Variants in AGBL4 observed in about 807,000 individuals in gnomAD.
AGBL4 encodes AGBL carboxypeptidase 4.
AGBL4 carries 58 observed loss-of-function variants against 66.4 expected under a neutral mutation model. The ratio of observed to expected loss-of-function variants is 0.87; its 90% CI spans 0.71 to 1.09. The LOEUF is 1.09. Among genes scored for constraint, AGBL4 ranks in the 50% least tolerant of loss-of-function variants. The pLI is 0.00. For synonymous variants in AGBL4, 234 were observed against 222.9 expected (o/e 1.05, Z -0.44); for missense variants, 579 against 631.0 (o/e 0.92, Z 0.88).
intron 1 of AGBL4, among the ~76,000 whole-genome samples, chr1:49,866,090 T>G (rs1646693830): frequency 6.6e-6 from 1 of 152,050 alleles, no homozygotes; most frequent in Admixed American, 6.5e-5. Flanking sequence ...AGCAAAACTC[T>G]GAAAACTATG....
At chr1:48,569,781 G>A (rs569193937) in intron 11 of AGBL4, among the ~76,000 whole-genome samples, 8 of 152,246 alleles carry the variant, frequency 5.3e-5, no homozygotes, top group African/African-American at 1.7e-4. Flanking sequence ...TAATTACCTT[G>A]AGCATCAATC....
At chr1:49,985,927 T>A (rs1231503461) in intron 1 of AGBL4, among the ~76,000 whole-genome samples, 3 of 152,028 alleles carry the variant, frequency 2.0e-5, no homozygotes, top group Non-Finnish European at 4.4e-5. Flanking sequence ...AGCAAGTTTC[T>A]TAAGAAAAAA....
At chr1:48,787,955 C>A (rs1645448386) in intron 6 of AGBL4, among the ~76,000 whole-genome samples, 1 of 152,224 alleles carries the variant, frequency 6.6e-6, no homozygotes, top group Non-Finnish European at 1.5e-5. Flanking sequence ...AACCACTAAG[C>A]TCTGTTGCTG....
At chr1:48,925,147 CAT>C (rs1472412807) in intron 5 of AGBL4, among the ~76,000 whole-genome samples, 11 of 126,216 alleles carry the variant, frequency 8.7e-5, no homozygotes, top group Admixed American at 5.9e-4. Context: ...TATATATATA[CAT>C]ACACACACAC....
chr1:49,496,897 T>C (rs1456507938), intron 3 of AGBL4, among the ~76,000 whole-genome samples: 1 of 152,044 alleles, frequency 6.6e-6, no homozygotes, highest in Non-Finnish European at 1.5e-5. Flanking sequence ...AGTAGTTGGA[T>C]TGCTGGATCA....
chr1:49,239,959 T>TTTAAATTTAAACATTTAAATTTTAAATG (rs1651088868), intron 4 of AGBL4, among the ~76,000 whole-genome samples: 1 of 152,008 alleles, frequency 6.6e-6, no homozygotes, highest in African/African-American at 2.4e-5. Context: ...AATGTATGAC[T>TTTAAATTTAAACATTTAAATTTTAAATG]TTTTTTAGCT....
intron 4 of AGBL4, among the ~76,000 whole-genome samples, chr1:49,128,673 T>C (rs1345601778): frequency 2.0e-5 from 3 of 151,918 alleles, no homozygotes; most frequent in Admixed American, 6.6e-5. Flanking sequence ...ATGGAAAAAA[T>C]AAACCTGGAC....
intron 3 of AGBL4, among the ~76,000 whole-genome samples, chr1:49,358,613 G>A (rs1012678487): frequency 2.8e-4 from 43 of 151,984 alleles, no homozygotes; most frequent in African/African-American, 8.7e-4. Flanking sequence ...ATTTTCCTGT[G>A]AAACAGTTCG....
intron 6 of AGBL4, among the ~76,000 whole-genome samples, chr1:48,861,254 C>A (rs2148818461): frequency 6.6e-6 from 1 of 152,166 alleles, no homozygotes. Flanking sequence ...CAATTAAGAA[C>A]CATGGAGGGC....
intron 3 of AGBL4, among the ~76,000 whole-genome samples, chr1:49,358,944 T>C (rs1167986264): frequency 3.3e-5 from 5 of 152,150 alleles, no homozygotes; most frequent in Admixed American, 6.5e-5. Flanking sequence ...CCCCATATTA[T>C]AGTTTTGCAT....
At chr1:49,883,817 T>C (rs1408839423) in intron 1 of AGBL4, among the ~76,000 whole-genome samples, 1 of 151,910 alleles carries the variant, frequency 6.6e-6, no homozygotes, top group Non-Finnish European at 1.5e-5. Context: ...CATGCATGTA[T>C]TGACACAGAC....
chr1:49,613,271 A>G (rs1238884341), intron 3 of AGBL4, among the ~76,000 whole-genome samples: 2 of 151,926 alleles, frequency 1.3e-5, no homozygotes, highest in Admixed American at 1.3e-4. Flanking sequence ...AAAACTACCT[A>G]TTGGGTACCA....
chr1:49,130,582 A>C (rs893066691), intron 4 of AGBL4, among the ~76,000 whole-genome samples: 1 of 152,048 alleles, frequency 6.6e-6, no homozygotes, highest in Admixed American at 6.6e-5. Context: ...TCCTTTCCCC[A>C]TTGCTTGTTT....
At chr1:49,350,488 CCA>C (rs1279756173) in intron 3 of AGBL4, among the ~76,000 whole-genome samples, 2 of 152,170 alleles carry the variant, frequency 1.3e-5, no homozygotes, top group African/African-American at 4.8e-5. Context: ...CAGGCGTGAG[CCA>C]CCGCGCCCGG....
At position 49,367,539 on chromosome 1, in the gene AGBL4, G is replaced by A. The variant is rs182773329; in HGVS notation, c.283-121675C>T. Among the ~76,000 whole-genome samples, 515 of 152,200 alleles carry A rather than the reference G, an allele frequency of 3.4e-3. 5 individuals are homozygous for A. Among genetic ancestry groups the A allele is most frequent in the African/African-American group, 0.012 (499 of 41,522 alleles). ...TTCTTTAGAAATTACTCAGCCTCAGGTATCCCTTTATAGTAACACAAAGTA... is the reference window on the plus strand; with the variant it reads ...TTCTTTAGAAATTACTCAGCCTCAGATATCCCTTTATAGTAACACAAAGTA... On this transcript the variant is annotated intron_variant, in intron 3 of 13. Transcript: ENST00000371839.
chr1:48,944,873 A>G (rs912447702), intron 5 of AGBL4, among the ~76,000 whole-genome samples: 1 of 152,202 alleles, frequency 6.6e-6, no homozygotes, highest in Non-Finnish European at 1.5e-5. Flanking sequence ...GACATAATAC[A>G]GTTTCTTTAT....
intron 3 of AGBL4, among the ~76,000 whole-genome samples, chr1:49,551,065 CT>C (rs1652912031): frequency 6.6e-6 from 1 of 152,054 alleles, no homozygotes; most frequent in African/African-American, 2.4e-5. Flanking sequence ...CACTGAATTT[CT>C]TTCTTCTACT....
intron 4 of AGBL4, among the ~76,000 whole-genome samples, chr1:49,071,149 T>C (rs1644595931): frequency 2.0e-5 from 3 of 151,968 alleles, no homozygotes; most frequent in Admixed American, 6.5e-5. Context: ...TCTTTATTAG[T>C]CTGGCTTGTG....
intron 3 of AGBL4, among the ~76,000 whole-genome samples, chr1:49,547,037 A>T (rs535771026): frequency 6.6e-6 from 1 of 152,154 alleles, no homozygotes; most frequent in South Asian, 2.1e-4. Context: ...CTTTGTCTTT[A>T]TTGCATTTGC....
Sources: allele counts gnomAD v4.1 joint callset (sites outside exome capture counted in the v4.1 genomes callset), GRCh38; gene constraint gnomAD v4.1.1; transcripts MANE v1.5; gene names NCBI Gene and HGNC (gene_info 2026-07-23, HGNC 2026-07-21).